LGR4: variants seen among roughly 807,000 people sequenced by gnomAD.
The protein encoded by LGR4 is leucine rich repeat containing G protein-coupled receptor 4, also known as leucine-rich repeat-containing G protein-coupled receptor 4.
LGR4 carries 44 observed loss-of-function variants against 84.8 expected under a neutral mutation model. The ratio of observed to expected loss-of-function variants is 0.52; its 90% CI spans 0.41 to 0.67. The LOEUF (loss-of-function observed/expected upper bound fraction) is 0.67, where lower values mean the gene tolerates loss of function less well. Ranked by LOEUF, LGR4 falls within the 30% of genes least tolerant of loss-of-function variation. The probability of loss-of-function intolerance (pLI) is 0.00; values close to 1 mark genes in which losing one functional copy is unlikely to be tolerated. For missense variants in LGR4, 1,032 were observed against 1,131.4 expected, an observed-to-expected ratio of 0.91 and a Z score of 1.26; for synonymous variants, 429 against 434.3, an observed-to-expected ratio of 0.99 and a Z score of 0.15.
intron 2 of LGR4, among the ~76,000 whole-genome samples, chr11:27,400,095 T>G (rs1432744083): frequency 3.3e-5 from 5 of 152,182 alleles, no homozygotes; most frequent in African/African-American, 1.2e-4. Flanking sequence ...GCTCCAAAAT[T>G]TGAAGCTTTT....
intron 11 of LGR4, among the ~76,000 whole-genome samples, chr11:27,378,190 C>A (rs1863024917): frequency 6.6e-6 from 1 of 152,138 alleles, no homozygotes; most frequent in Admixed American, 6.5e-5. Flanking sequence ...TATTTTGTTA[C>A]TATCTCCTGC....
At chr11:27,459,005 T>A (rs1288825087) in intron 1 of LGR4, among the ~76,000 whole-genome samples, 2 of 152,178 alleles carry the variant, frequency 1.3e-5, no homozygotes, top group Non-Finnish European at 2.9e-5. Flanking sequence ...TTTAAAAATT[T>A]AACCTTAAAT....
At chr11:27,389,142 C>T (rs1863235702) in intron 4 of LGR4, among the ~76,000 whole-genome samples, 1 of 152,086 alleles carries the variant, frequency 6.6e-6, no homozygotes, top group Non-Finnish European at 1.5e-5. Flanking sequence ...CAAAATGACT[C>T]AAGTGCTGAT....
intron 1 of LGR4, among the ~76,000 whole-genome samples, chr11:27,415,328 C>T (rs1275670779): frequency 5.3e-5 from 8 of 152,114 alleles, no homozygotes; most frequent in Admixed American, 5.2e-4. Flanking sequence ...AACAGAAAAA[C>T]TGATTAATTT....
At chr11:27,437,660 AGTGTGTGTGTGTGT>A (rs10659033) in intron 1 of LGR4, among the ~76,000 whole-genome samples, 1,567 of 140,134 alleles carry the variant, frequency 0.011, 22 homozygotes, top group African/African-American at 0.039. Context: ...TTAAAGGACT[AGTGTGTGTGTGTGT>A]GTGTGTGTGT....
chr11:27,470,525 C>T (rs932082605), intron 1 of LGR4, among the ~76,000 whole-genome samples: 3 of 152,068 alleles, frequency 2.0e-5, no homozygotes, highest in Non-Finnish European at 4.4e-5. Context: ...TCTTTCTGCA[C>T]GAATTCCCTA....
chr11:27,419,385 A>C (rs1396782053), intron 1 of LGR4, among the ~76,000 whole-genome samples: 2 of 151,850 alleles, frequency 1.3e-5, no homozygotes, highest in Admixed American at 6.6e-5. Flanking sequence ...AGAATGGCTA[A>C]ATTTTTTTTA....
At chr11:27,410,557 G>A (rs1045800608) in intron 2 of LGR4, among the ~76,000 whole-genome samples, 3 of 151,988 alleles carry the variant, frequency 2.0e-5, no homozygotes, top group Admixed American at 1.3e-4. Context: ...TAGTCATGGC[G>A]GCATCATTTT....
rs1370470333 is a variant in LGR4, at chr11:27,369,140, G to T, written c.1583C>A (p.Ala528Asp). Reference sequence around the variant, plus strand: ...CAGTAAATATTCACAGGGCTTAAAAGCACCTAAAAAAAACACACACAGAGA... The same window carrying T: ...CAGTAAATATTCACAGGGCTTAAAATCACCTAAAAAAAACACACACAGAGA... ...IIIHCTPSTGAFKPCEYLLGS... is the reference protein window; with the variant it reads ...IIIHCTPSTGDFKPCEYLLGS... Residue 528 changes from alanine (A) to aspartate (D), a missense_variant, in exon 18 of 18, where the codon GCT becomes GAT. Ala to Asp is a moderately radical substitution (Grantham distance 126). Coordinates refer to ENST00000379214, the MANE Select transcript of LGR4 (RefSeq NM_018490.5). The T allele has an allele frequency of 1.9e-6, 3 of 1,577,170 alleles. No homozygotes were observed. Among genetic ancestry groups the T allele is most frequent in the Admixed American group, 1.8e-5 (1 of 54,214 alleles).
At chr11:27,411,397 AAAC>A (rs574935674) in intron 2 of LGR4, among the ~76,000 whole-genome samples, 157 of 152,072 alleles carry the variant, frequency 1.0e-3, no homozygotes, top group African/African-American at 3.6e-3. Context: ...AGAAAAAAAA[AAAC>A]AACAACACAG....
chr11:27,460,267 T>C (rs975485878), intron 1 of LGR4, among the ~76,000 whole-genome samples: 2 of 152,132 alleles, frequency 1.3e-5, no homozygotes, highest in Non-Finnish European at 2.9e-5. Flanking sequence ...TAATACTATA[T>C]GCAACGGAAA....
chr11:27,452,359 A>AT (rs1408842676), intron 1 of LGR4, among the ~76,000 whole-genome samples: 1 of 152,198 alleles, frequency 6.6e-6, no homozygotes, highest in Non-Finnish European at 1.5e-5. Context: ...TTACATAACC[A>AT]TAATATATCA....
chr11:27,380,647 G>C lies in LGR4; in HGVS notation c.895C>G (p.His299Asp). Residue 299 changes from histidine (H) to aspartate (D), a missense_variant, in exon 9 of 18, where the codon CAT becomes GAT. Transcript: ENST00000379214. ...TTAAATTCACATACTTACAGGGAAT[G>C]AAGATCAGATAAATTGTGAAATGCT... ...NSAFHNLSDL[H>D]SLVIRGASMV... 1 of 1,568,352 alleles carries C rather than the reference G, an allele frequency of 6.4e-7. No homozygotes were observed. The highest frequency in any genetic ancestry group is 8.8e-7 in the Non-Finnish European group (1 of 1,140,442).
At chr11:27,427,357 C>T (rs1015963801) in intron 1 of LGR4, among the ~76,000 whole-genome samples, 3 of 152,006 alleles carry the variant, frequency 2.0e-5, no homozygotes, top group Non-Finnish European at 4.4e-5. Context: ...GAAGGGCCTC[C>T]GAAACGAAAG....
intron 1 of LGR4, among the ~76,000 whole-genome samples, chr11:27,441,148 T>C (rs756972526): frequency 5.3e-5 from 8 of 152,104 alleles, no homozygotes; most frequent in Non-Finnish European, 1.2e-4. Flanking sequence ...AAGAAATTCA[T>C]AGAACTAGAG....
intron 1 of LGR4, among the ~76,000 whole-genome samples, chr11:27,419,149 T>C (rs1242239664): frequency 6.6e-6 from 1 of 152,078 alleles, no homozygotes; most frequent in Non-Finnish European, 1.5e-5. Context: ...ACAAAAAAGA[T>C]TGGGAAGAAA....
chr11:27,380,208 C>T (rs1324456425), intron 10 of LGR4, 63 bp downstream of exon 10: 54 of 1,023,320 alleles, frequency 5.3e-5, no homozygotes, highest in Non-Finnish European at 7.3e-5. Flanking sequence ...AAGACCCTGG[C>T]ACCCTGCTAG....
intron 1 of LGR4, among the ~76,000 whole-genome samples, chr11:27,460,561 AT>A (rs1864662198): frequency 6.6e-6 from 1 of 152,252 alleles, no homozygotes; most frequent in Admixed American, 6.5e-5. Flanking sequence ...TCAAACTGAT[AT>A]TAGAAATTGA....
chr11:27,417,175 T>C (rs1486455625), intron 1 of LGR4, among the ~76,000 whole-genome samples: 2 of 152,102 alleles, frequency 1.3e-5, no homozygotes, highest in African/African-American at 4.8e-5. Context: ...TCTCAAATAT[T>C]ATCTGGCAGT....
Sources: allele counts gnomAD v4.1 joint callset (sites outside exome capture counted in the v4.1 genomes callset), GRCh38; gene constraint gnomAD v4.1.1; transcripts MANE v1.5; gene names NCBI Gene and HGNC (gene_info 2026-07-23, HGNC 2026-07-21).